SCN10A: variants seen among roughly 807,000 people sequenced by gnomAD.
SCN10A encodes sodium channel protein type 10 subunit alpha.
A neutral mutation model predicts 170.7 loss-of-function variants in SCN10A; 162 were observed. The ratio of observed to expected loss-of-function variants is 0.95; its 90% CI spans 0.84 to 1.08. SCN10A has a LOEUF of 1.08. Among genes scored for constraint, SCN10A ranks in the 50% least tolerant of loss-of-function variants. The pLI is 0.00. For synonymous variants in SCN10A, 985 were observed against 904.6 expected (o/e 1.09, Z -1.59); for missense variants, 2,527 against 2,436.9 (o/e 1.04, Z -0.78).
chr3:38,734,847 A>C (rs2063543928), intron 15 of SCN10A, among the ~76,000 whole-genome samples: 1 of 152,174 alleles, frequency 6.6e-6, no homozygotes. Context: ...TGATCTAGTA[A>C]AAAGAACCTA....
Position 38,792,035 on chromosome 3 carries a change from T to C in SCN10A, c.389+15A>G. On this transcript the variant is annotated intron_variant, in intron 3 of 27. Coordinates refer to ENST00000449082, the MANE Select transcript of SCN10A (RefSeq NM_006514.4). ...TAATTGTAACACGTGGAAGAGGCAATCGTGCAAAGGATATGAGTGGACAGA... is the reference window on the plus strand; with the variant it reads ...TAATTGTAACACGTGGAAGAGGCAACCGTGCAAAGGATATGAGTGGACAGA... 6.2e-7 allele frequency: 1 copy of C among 1,612,682 alleles called. No individual in the cohort carries two copies. The highest frequency in any genetic ancestry group is 8.5e-7 in the Non-Finnish European group (1 of 1,179,324).
chr3:38,815,280 C>T (rs1258450522), intron 1 of SCN10A, among the ~76,000 whole-genome samples: 1 of 152,168 alleles, frequency 6.6e-6, no homozygotes, highest in Non-Finnish European at 1.5e-5. Flanking sequence ...GATACCTGGG[C>T]TTGTCTTTTT....
At chr3:38,721,870 G>A (rs2063393383) in intron 20 of SCN10A, among the ~76,000 whole-genome samples, 1 of 152,212 alleles carries the variant, frequency 6.6e-6, no homozygotes, top group Non-Finnish European at 1.5e-5. Flanking sequence ...GCCGTGTGTT[G>A]GGGAGGTCAG....
intron 1 of SCN10A, among the ~76,000 whole-genome samples, chr3:38,808,342 C>A (rs2064418604): frequency 6.6e-6 from 1 of 152,164 alleles, no homozygotes; most frequent in South Asian, 2.1e-4. Context: ...TCAGAACAAC[C>A]ATTCCTGACT....
chr3:38,768,640 C>T (rs2063962522), intron 5 of SCN10A, among the ~76,000 whole-genome samples: 1 of 152,088 alleles, frequency 6.6e-6, no homozygotes, highest in Admixed American at 6.5e-5. Context: ...GATAACCTTT[C>T]CTTTATAGGT....
intron 8 of SCN10A, among the ~76,000 whole-genome samples, chr3:38,758,997 G>A (rs1016872451): frequency 1.3e-5 from 2 of 152,184 alleles, no homozygotes; most frequent in African/African-American, 4.8e-5. Flanking sequence ...CCTCTCATGA[G>A]CCAAAGAACC....
chr3:38,784,997 G>C (rs2064180717), intron 4 of SCN10A, among the ~76,000 whole-genome samples: 1 of 152,080 alleles, frequency 6.6e-6, no homozygotes. Flanking sequence ...ACAAATAAAT[G>C]GAAAAACATT....
At chr3:38,751,342 T>C (rs2063744978) in intron 12 of SCN10A, among the ~76,000 whole-genome samples, 1 of 152,190 alleles carries the variant, frequency 6.6e-6, no homozygotes, top group African/African-American at 2.4e-5. Context: ...CCTTATTCAT[T>C]CCCTAAGCCC....
rs774442218 is a variant in SCN10A, at chr3:38,750,211, C to A, written c.1756-27G>T. ...TGTTGAGACACAAACAGAGTCAGGACGCTCCTTTAACCTGACATCTTCATG... is the reference window on the plus strand; with the variant it reads ...TGTTGAGACACAAACAGAGTCAGGAAGCTCCTTTAACCTGACATCTTCATG... On this transcript the variant is annotated intron_variant, in intron 12 of 27. Coordinates refer to ENST00000449082, the MANE Select transcript of SCN10A (RefSeq NM_006514.4). 3 of 1,413,054 alleles carry A rather than the reference C, an allele frequency of 2.1e-6. No homozygotes were observed. The East Asian group carries it at 6.8e-5, about 32-fold the overall frequency. The allele number at this position is 1,413,054 out of a possible 1,614,324, so 87.5% of individuals were successfully genotyped here. A position where few individuals can be genotyped will look rare whatever the true frequency, so the allele number is the denominator to read the frequency against.
chr3:38,712,055 T>C, intron 23 of SCN10A, 106 bp downstream of exon 23: 1 of 1,089,706 alleles, frequency 9.2e-7, no homozygotes, highest in Non-Finnish European at 1.4e-6. Flanking sequence ...TCACACTGAG[T>C]GCTACTCCTT....
chr3:38,764,320 G>A (rs538053655), intron 5 of SCN10A, among the ~76,000 whole-genome samples: 155 of 152,212 alleles, frequency 1.0e-3, no homozygotes, highest in Non-Finnish European at 1.4e-3. Flanking sequence ...ACCATCACCC[G>A]AGCAGTGTAC....
chr3:38,700,303 G>A (rs576914536), intron 27 of SCN10A, among the ~76,000 whole-genome samples: 65 of 151,986 alleles, frequency 4.3e-4, no homozygotes, highest in African/African-American at 1.5e-3. Context: ...AAATTGGGGA[G>A]GTACTTGTCA....
intron 24 of SCN10A, among the ~76,000 whole-genome samples, chr3:38,710,043 C>A (rs746559821): frequency 6.6e-6 from 1 of 152,182 alleles, no homozygotes; most frequent in Non-Finnish European, 1.5e-5. Context: ...ATCAGAAGTG[C>A]AGCCTGCAGG....
At chr3:38,793,296 C>T (rs1417206113) in intron 2 of SCN10A, among the ~76,000 whole-genome samples, 5 of 151,988 alleles carry the variant, frequency 3.3e-5, no homozygotes, top group Non-Finnish European at 7.4e-5. Context: ...TTTTATAAAC[C>T]CACTAAAACA....
intron 4 of SCN10A, among the ~76,000 whole-genome samples, chr3:38,771,641 C>G (rs2064002015): frequency 1.3e-5 from 2 of 152,334 alleles, no homozygotes; most frequent in South Asian, 2.1e-4. Context: ...GTGGCTGGGA[C>G]AGCCAGCAGC....
At chr3:38,726,131 A>G (rs2063451912) in intron 17 of SCN10A, among the ~76,000 whole-genome samples, 1 of 152,202 alleles carries the variant, frequency 6.6e-6, no homozygotes, top group South Asian at 2.1e-4. Flanking sequence ...AATGGCTCAA[A>G]TGTGCTTTAA....
chr3:38,803,733 A>G (rs892347432), intron 1 of SCN10A, among the ~76,000 whole-genome samples: 2 of 151,870 alleles, frequency 1.3e-5, no homozygotes. Context: ...CACCAACATG[A>G]CGCATGTATA....
At chr3:38,786,575 T>C (rs1010121539) in intron 4 of SCN10A, among the ~76,000 whole-genome samples, 3 of 152,198 alleles carry the variant, frequency 2.0e-5, no homozygotes, top group African/African-American at 7.2e-5. Flanking sequence ...TGTGTATACC[T>C]ATGTAACAAA....
At chr3:38,788,879 A>C in intron 4 of SCN10A, 77 bp downstream of exon 4, 1 of 893,008 alleles carries the variant, frequency 1.1e-6, no homozygotes, top group Non-Finnish European at 1.9e-6. Flanking sequence ...AGGATAAATA[A>C]AAGACAAAGA....
Sources: gnomAD v4.1 joint callset for allele counts (sites outside exome capture counted in the v4.1 genomes callset) on GRCh38, gnomAD v4.1.1 for gene constraint, MANE v1.5 for transcripts, NCBI Gene and HGNC (gene_info 2026-07-23, HGNC 2026-07-21) for gene names.